Variants in INVS observed in about 807,000 individuals in gnomAD.
The protein encoded by INVS is inversin.
Under a neutral mutation model 108.8 loss-of-function variants are expected in INVS, and 86 were observed. That is an observed-to-expected ratio of 0.79 (90% CI 0.66 to 0.95). The LOEUF (loss-of-function observed/expected upper bound fraction) is 0.95, where lower values mean the gene tolerates loss of function less well. Ranked by LOEUF, INVS falls within the 40% of genes least tolerant of loss-of-function variation. The pLI, the probability that INVS is intolerant of heterozygous loss-of-function variation, is 0.00. For missense variants in INVS, 1,169 were observed against 1,297.4 expected, an observed-to-expected ratio of 0.90 and a Z score of 1.52; for synonymous variants, 455 against 473.5, an observed-to-expected ratio of 0.96 and a Z score of 0.51.
chr9:100,298,605 A>C (rs949914945), intron 16 of INVS, among the ~76,000 whole-genome samples: 1 of 123,722 alleles, frequency 8.1e-6, no homozygotes, highest in Non-Finnish European at 1.8e-5. Context: ...TGGCTATGGC[A>C]ACACGCTCCC....
chr9:100,263,354 G>A (rs1304406689), intron 10 of INVS, among the ~76,000 whole-genome samples: 1 of 152,090 alleles, frequency 6.6e-6, no homozygotes, highest in African/African-American at 2.4e-5. Flanking sequence ...AAAAATCAAG[G>A]TGTCACCAGG....
intron 14 of INVS, among the ~76,000 whole-genome samples, chr9:100,294,388 G>A (rs1009584293): frequency 9.2e-5 from 14 of 152,214 alleles, no homozygotes; most frequent in African/African-American, 3.4e-4. Context: ...TATCATACCA[G>A]AGACTGCCTA....
At chr9:100,273,554 T>TTC (rs916029944) in intron 12 of INVS, among the ~76,000 whole-genome samples, 2 of 128,406 alleles carry the variant, frequency 1.6e-5, no homozygotes, top group African/African-American at 3.0e-5. Context: ...TTTTTTTTTT[T>TTC]CTGAGATGGA....
intron 8 of INVS, 91 bp downstream of exon 8, chr9:100,246,878 C>A (rs1832064883): frequency 1.7e-6 from 2 of 1,147,384 alleles, no homozygotes; most frequent in East Asian, 2.3e-5. Context: ...AACTTGAAAT[C>A]ATTGTTCCTA....
At chr9:100,170,393 CAA>C (rs10585469) in intron 3 of INVS, among the ~76,000 whole-genome samples, 1,731 of 122,676 alleles carry the variant, frequency 0.014, 27 homozygotes, top group African/African-American at 0.044. Flanking sequence ...CCTGTCTGTA[CAA>C]AAAAAAAAAA....
chr9:100,104,572 A>C lies in INVS; in HGVS notation c.51A>C (p.Gln17His). ...TTGCTGGTTCATCATTAGCATCACA[A>C]GTCCATGCTGCTGCCGTTAATGGAG... Reference protein sequence around the residue: ...LLFAGSSLASQVHAAAVNGDK... With the variant: ...LLFAGSSLASHVHAAAVNGDK... The change falls in exon 2 of 17, where the codon CAA becomes CAC. Residue 17 changes from glutamine (Q) to histidine (H), a missense_variant. Gln to His is a conservative substitution (Grantham distance 24, BLOSUM62 0). Around this residue, in one of 3 missense-constraint regions of INVS, gnomAD observed 365 missense variants for 397.5 expected, o/e 0.92. Transcript: ENST00000262457. 3 of 1,614,180 alleles carry C rather than the reference A, an allele frequency of 1.9e-6. No homozygotes were observed. The highest frequency in any genetic ancestry group is 2.5e-6 in the Non-Finnish European group (3 of 1,180,006).
In INVS at chr9:100,297,080, A is replaced by C; in HGVS notation, c.2950A>C (p.Lys984Gln). Residue 984 changes from lysine (K) to glutamine (Q), a missense_variant, in exon 15 of 17, where the codon AAG (lysine) becomes CAG (glutamine). Coordinates refer to ENST00000262457, the MANE Select transcript of INVS (RefSeq NM_014425.5). ...AACCACTGCAGTAAGCAAGGCCCCC[A>C]AGAGTCCATCCAAGGGCACCTCAGG... Reference protein sequence around the residue: ...PQTTAVSKAPKSPSKGTSGTK... With the variant: ...PQTTAVSKAPQSPSKGTSGTK... 1 of 1,613,994 alleles carries C rather than the reference A, an allele frequency of 6.2e-7. No individual in the cohort carries two copies. Among genetic ancestry groups the C allele is most frequent in the Non-Finnish European group, 8.5e-7 (1 of 1,179,994 alleles).
chr9:100,292,873 G>C lies in INVS; in HGVS notation c.2616G>C (p.Gln872His). 4 of 1,614,156 alleles carry C rather than the reference G, an allele frequency of 2.5e-6. No individual in the cohort carries two copies. The South Asian group carries it at 4.4e-5, about 18-fold the overall frequency. ...CATCTACCCTGTCCGAGGACTTTCA[G>C]GTATCTAAGGAGACTGATCCAGCAC... ...LETSTLSEDFQVSKETDPAPG... is the reference protein window; with the variant it reads ...LETSTLSEDFHVSKETDPAPG... Residue 872 changes from glutamine (Q) to histidine (H), a missense_variant, in exon 14 of 17, where the codon CAG becomes CAC. By Grantham distance (24) the Gln-to-His change is conservative. Transcript: ENST00000262457.
At chr9:100,253,660 C>T (rs1482968714) in intron 10 of INVS, among the ~76,000 whole-genome samples, 1 of 152,004 alleles carries the variant, frequency 6.6e-6, no homozygotes, top group African/African-American at 2.4e-5. Context: ...TGAGAACATG[C>T]GGTATTTGGT....
At position 100,234,791 on chromosome 9, in the gene INVS, G is replaced by T. The variant is rs1320232841; in HGVS notation, c.615+4964G>T. 2.6e-5 allele frequency among the ~76,000 whole-genome samples: 4 copies of T among 152,068 alleles called. No homozygotes were observed. In the East Asian group the frequency reaches 5.8e-4, roughly 22 times the overall value. ...AGGAGGTTTTACTTCCAATTACGTG[G>T]TCAATTTTAGAGTAAGTTCTATGTG... is the stretch of plus-strand genomic sequence containing the variant. On this transcript the variant is annotated intron_variant, in intron 5 of 16. Transcript: ENST00000262457.
At chr9:100,277,533 C>T (rs1222347995) in intron 12 of INVS, among the ~76,000 whole-genome samples, 2 of 152,174 alleles carry the variant, frequency 1.3e-5, no homozygotes, top group African/African-American at 4.8e-5. Flanking sequence ...TGAAATTGTA[C>T]ACAGCATTTT....
intron 3 of INVS, among the ~76,000 whole-genome samples, chr9:100,132,260 T>C (rs945754559): frequency 2.6e-5 from 4 of 152,080 alleles, no homozygotes; most frequent in Non-Finnish European, 5.9e-5. Context: ...AATGAATGAA[T>C]GAATCAGTAA....
chr9:100,302,164 C>T lies in INVS; in HGVS notation c.*1490C>T. The stretch of plus-strand genomic sequence containing the variant: ...AAATAAGATAGATGTGAATAAACAA[C>T]TTCAAACAGGAGGTACTATGGCCTC... On this transcript the variant is annotated 3_prime_UTR_variant, in exon 17 of 17. Coordinates refer to ENST00000262457, the MANE Select transcript of INVS (RefSeq NM_014425.5). 1 of 1,373,662 alleles carries T rather than the reference C, an allele frequency of 7.3e-7. No homozygotes were observed. Among genetic ancestry groups the T allele is most frequent in the Non-Finnish European group, 1.0e-6 (1 of 998,176 alleles). 85.1% of individuals were successfully genotyped at this position (1,373,662 alleles called of 1,614,324 possible).
At chr9:100,165,185 G>T (rs188605384) in intron 3 of INVS, among the ~76,000 whole-genome samples, 13 of 151,916 alleles carry the variant, frequency 8.6e-5, no homozygotes, top group Admixed American at 6.6e-4. Flanking sequence ...CATACAATGT[G>T]TCATAGTCAT....
chr9:100,233,298 A>G (rs1053342945), intron 5 of INVS, among the ~76,000 whole-genome samples: 1 of 152,210 alleles, frequency 6.6e-6, no homozygotes, highest in African/African-American at 2.4e-5. Flanking sequence ...ATCTAAATAC[A>G]CAATCATGTC....
intron 11 of INVS, among the ~76,000 whole-genome samples, chr9:100,272,506 A>C (rs758588141): frequency 5.3e-5 from 8 of 152,190 alleles, no homozygotes; most frequent in Non-Finnish European, 1.0e-4. Flanking sequence ...CAAATTTACA[A>C]ATCTCACAAT....
chr9:100,209,862 A>T (rs535311723), intron 3 of INVS, among the ~76,000 whole-genome samples: 1 of 151,070 alleles, frequency 6.6e-6, no homozygotes, highest in Non-Finnish European at 1.5e-5. Context: ...ACTTTTCGTC[A>T]TCGAGTTCTT....
rs142377644 is a variant in INVS, at chr9:100,113,049, A to G, written c.106+8422A>G. On this transcript the variant is annotated intron_variant, in intron 2 of 16. Coordinates refer to ENST00000262457, the MANE Select transcript of INVS (RefSeq NM_014425.5). ...CTAGTCTCATTATGGCATATTCTCT[A>G]TAAGTATCACTGACTCCAGAAGGAC... 2.4e-3 allele frequency among the ~76,000 whole-genome samples: 369 copies of G among 152,370 alleles called. 3 individuals carry two copies. The highest frequency in any genetic ancestry group is 3.8e-3 in the Non-Finnish European group (259 of 68,030).
At chr9:100,260,678 AT>A (rs1012124897) in intron 10 of INVS, among the ~76,000 whole-genome samples, 7 of 152,130 alleles carry the variant, frequency 4.6e-5, no homozygotes, top group Non-Finnish European at 8.8e-5. Context: ...CATTTTACAG[AT>A]GAGGAAATTG....
Sources: allele counts gnomAD v4.1 joint callset (sites outside exome capture counted in the v4.1 genomes callset), GRCh38; gene constraint gnomAD v4.1.1; regional missense constraint gnomAD v4.1.1; transcripts MANE v1.5; gene names NCBI Gene and HGNC (gene_info 2026-07-23, HGNC 2026-07-21).